ZP3: variants seen among roughly 807,000 people sequenced by gnomAD.
The protein encoded by ZP3 is zona pellucida glycoprotein 3, also known as zona pellucida sperm-binding protein 3.
ZP3 carries 21 observed loss-of-function variants against 35.6 expected under a neutral mutation model. The ratio of observed to expected loss-of-function variants is 0.59; its 90% confidence interval spans 0.42 to 0.85. The LOEUF (loss-of-function observed/expected upper bound fraction) is 0.85, where lower values mean the gene tolerates loss of function less well. Among genes scored for constraint, ZP3 ranks in the 40% least tolerant of loss-of-function variants. The probability of loss-of-function intolerance (pLI) is 0.00; values close to 1 mark genes in which losing one functional copy is unlikely to be tolerated. For missense variants in ZP3, 437 were observed against 536.5 expected (o/e 0.81, Z 1.83); for synonymous variants, 207 against 214.5 (o/e 0.96, Z 0.31).
chr7:76,437,172 T>A (rs1414783582), intron 5 of ZP3, among the ~76,000 whole-genome samples: 2 of 7,732 alleles, frequency 2.6e-4, no homozygotes, highest in Non-Finnish European at 2.4e-4. Flanking sequence ...CCCTGTGTAC[T>A]TTTTTTTTTT....
Position 76,433,480 on chromosome 7 carries a change from C to A in ZP3, c.546C>A (p.Asn182Lys), listed in dbSNP as rs371699247. ...FSLRLMEENW[N>K]AEKRSPTFHL... ...GACTGTGTCTTTCAGAGAACTGGAA[C>A]GCTGAGAAGAGGTCCCCCACCTTCC... is the stretch of plus-strand genomic sequence containing the variant. Residue 182 changes from asparagine to lysine, a missense_variant, in exon 4 of 8, where the codon AAC becomes AAA. This residue lies in a region of ZP3 where 352 missense variants were observed against 308.4 expected (regional missense o/e 1.14). Coordinates refer to ENST00000394857, the MANE Select transcript of ZP3 (RefSeq NM_001110354.2). 2.5e-6 allele frequency: 4 copies of A among 1,612,478 alleles called. No individual in the cohort carries two copies. Among genetic ancestry groups the A allele is most frequent in the Non-Finnish European group, 1.7e-6 (2 of 1,179,366 alleles).
At chr7:76,407,033 T>C (rs1262249220) in intron 1 of ZP3, among the ~76,000 whole-genome samples, 1 of 152,172 alleles carries the variant, frequency 6.6e-6, no homozygotes, top group Non-Finnish European at 1.5e-5. Flanking sequence ...TGATCTCAGC[T>C]CACTGCAACC....
chr7:76,437,821 G>A (rs201260836), intron 5 of ZP3, among the ~76,000 whole-genome samples: 24 of 151,570 alleles, frequency 1.6e-4, no homozygotes, highest in African/African-American at 2.4e-4. Context: ...CTAAAAGGCC[G>A]CTATAGGGGA....
intron 2 of ZP3, among the ~76,000 whole-genome samples, chr7:76,430,048 C>A (rs933960251): frequency 6.6e-6 from 1 of 151,916 alleles, no homozygotes; most frequent in South Asian, 2.1e-4. Flanking sequence ...ATGGTGAAAC[C>A]CCATCTCTAC....
intron 2 of ZP3, among the ~76,000 whole-genome samples, chr7:76,431,238 A>T (rs544893631): frequency 6.6e-6 from 1 of 152,210 alleles, no homozygotes; most frequent in Admixed American, 6.5e-5. Flanking sequence ...ATGGAGGAGG[A>T]TAGAGGAGTC....
At chr7:76,408,965 C>T (rs2115826995) in intron 1 of ZP3, among the ~76,000 whole-genome samples, 1 of 152,310 alleles carries the variant, frequency 6.6e-6, no homozygotes, top group East Asian at 1.9e-4. Flanking sequence ...CTGTTCTCAT[C>T]TGTAAAATGG....
At chr7:76,429,187 G>A in intron 1 of ZP3, 1 of 316,652 alleles carries the variant, frequency 3.2e-6, no homozygotes, top group South Asian at 3.2e-5. Context: ...TCTGCCTGTG[G>A]TGGTGTCAAT....
At chr7:76,437,821 G>C (rs201260836) in intron 5 of ZP3, among the ~76,000 whole-genome samples, 2 of 151,458 alleles carry the variant, frequency 1.3e-5, no homozygotes, top group Non-Finnish European at 2.9e-5. Context: ...CTAAAAGGCC[G>C]CTATAGGGGA....
chr7:76,430,436 G>GT lies in ZP3; in HGVS notation c.431+804dup, dbSNP rs1439717123. On this transcript the variant is annotated intron_variant, in intron 2 of 7. Transcript: ENST00000394857. ...TCCCTGCCCTTGAACCAGTCTGGGA[G>GT]TGGGTATAAGATGATGCGGCCAGGT... Among the ~76,000 whole-genome samples, 5 of 152,092 alleles carry GT rather than the reference G, an allele frequency of 3.3e-5. 1 individual carries two copies. Among genetic ancestry groups the GT allele is most frequent in the African/African-American group, 1.2e-4 (5 of 41,430 alleles).
chr7:76,419,657 CTCT>C (rs1419986369), intron 1 of ZP3, among the ~76,000 whole-genome samples: 1 of 149,090 alleles, frequency 6.7e-6, no homozygotes, highest in Non-Finnish European at 1.5e-5. Context: ...CTCTCTCTCT[CTCT>C]TTCTTTCTTT....
At position 76,425,278 on chromosome 7, in the gene ZP3, T is replaced by G. The variant is rs1480436041; in HGVS notation, c.312+2T>G. 6.3e-7 allele frequency: 1 copy of G among 1,598,154 alleles called. No homozygotes were observed. The highest frequency in any genetic ancestry group is 2.2e-5 in the East Asian group (1 of 44,574). On this transcript the variant is annotated splice_donor_variant, in intron 1 of 7. Transcript: ENST00000394857. LOFTEE classifies it high-confidence loss of function. ...CACGAGTGTGGCAACAGCATGCAGG[T>G]AAGAGAGGCTGGGGGCCCTGGCTTT...
chr7:76,413,615 A>T (rs557138912), intron 1 of ZP3, among the ~76,000 whole-genome samples: 935 of 34,988 alleles, frequency 0.027, 13 homozygotes, highest in East Asian at 0.099. Context: ...CTTTTTTTTA[A>T]AAAAAAGCCT....
chr7:76,430,528 G>A (rs781166106), intron 2 of ZP3, among the ~76,000 whole-genome samples: 2 of 152,140 alleles, frequency 1.3e-5, no homozygotes, highest in Non-Finnish European at 2.9e-5. Context: ...GAGGTAAGGA[G>A]TTCAGGACCA....
At chr7:76,434,925 T>G in intron 5 of ZP3, among the ~76,000 whole-genome samples, 1 of 151,268 alleles carries the variant, frequency 6.6e-6, no homozygotes, top group Middle Eastern at 3.4e-3. Context: ...AAACTCAAAT[T>G]GACACTAAGA....
Position 76,425,079 on chromosome 7 carries a change from G to A in ZP3, c.115G>A (p.Val39Ile), listed in dbSNP as rs370377360. Residue 39 changes from valine to isoleucine, a missense_variant, in exon 1 of 8, where the codon GTA becomes ATA. Physicochemically the swap from Val to Ile is conservative, Grantham distance 29. Transcript: ENST00000394857. ...QGGASHPETS[V>I]QPVLVECQEA... ...TGGAGCCAGCCATCCTGAGACGTCC[G>A]TACAGCCCGTACTGGTGGAGTGTCA... is the stretch of plus-strand genomic sequence containing the variant. 142 of 1,613,424 alleles carry A rather than the reference G, an allele frequency of 8.8e-5. 2 individuals are homozygous for A. The highest frequency in any genetic ancestry group is 5.2e-4 in the African/African-American group (39 of 75,024).
chr7:76,416,810 C>A (rs1414409869), intron 1 of ZP3, among the ~76,000 whole-genome samples: 18 of 135,094 alleles, frequency 1.3e-4, no homozygotes, highest in African/African-American at 4.7e-4. Context: ...CTCTCTCTCT[C>A]TCTCTCTATA....
At chr7:76,406,543 G>T (rs1437607717) in intron 1 of ZP3, among the ~76,000 whole-genome samples, 2 of 151,816 alleles carry the variant, frequency 1.3e-5, no homozygotes, top group Non-Finnish European at 2.9e-5. Flanking sequence ...CAGTGCAGTG[G>T]CATGATCATG....
chr7:76,440,969 C>G (rs370688765), intron 7 of ZP3, among the ~76,000 whole-genome samples: 3 of 152,002 alleles, frequency 2.0e-5, no homozygotes, highest in Admixed American at 1.3e-4. Flanking sequence ...GTCAGGAGTT[C>G]GAGACCAGCC....
At chr7:76,415,459 G>A (rs958232053) in intron 1 of ZP3, among the ~76,000 whole-genome samples, 17 of 151,468 alleles carry the variant, frequency 1.1e-4, no homozygotes, top group African/African-American at 4.1e-4. Context: ...GGCGGGAGTG[G>A]ATTTGATTCT....
Sources: gnomAD v4.1 joint callset for allele counts (sites outside exome capture counted in the v4.1 genomes callset) on GRCh38, gnomAD v4.1.1 for gene constraint, gnomAD v4.1.1 regional missense constraint, MANE v1.5 for transcripts, NCBI Gene and HGNC (gene_info 2026-07-23, HGNC 2026-07-21) for gene names.